The following RPS6KA5 variants were observed in gnomAD, a reference collection of about 807,000 sequenced individuals.
RPS6KA5 encodes ribosomal protein S6 kinase alpha-5.
A neutral mutation model predicts 85.5 loss-of-function variants in RPS6KA5; 27 were observed. That is an observed-to-expected ratio of 0.32 (90% CI 0.23 to 0.44). RPS6KA5 has a LOEUF of 0.44. RPS6KA5 is among the 20% of genes least tolerant of loss of function. RPS6KA5 has a pLI of 1.00. For missense variants in RPS6KA5, 811 were observed against 980.9 expected (o/e 0.83, Z 2.31); for synonymous variants, 334 against 348.2 (o/e 0.96, Z 0.46).
chr14:90,914,563 C>T (rs1027658319), intron 7 of RPS6KA5, among the ~76,000 whole-genome samples: 7 of 152,062 alleles, frequency 4.6e-5, no homozygotes, highest in Non-Finnish European at 8.8e-5. Flanking sequence ...GATCCACCTG[C>T]CTTGGCCTCC....
chr14:91,025,494 C>T (rs1168381096), intron 1 of RPS6KA5, among the ~76,000 whole-genome samples: 1 of 152,194 alleles, frequency 6.6e-6, no homozygotes, highest in Non-Finnish European at 1.5e-5. Context: ...TATCTCTGAG[C>T]AATGCTGAAA....
chr14:90,978,892 T>C (rs1003834213), intron 2 of RPS6KA5, among the ~76,000 whole-genome samples: 5 of 152,136 alleles, frequency 3.3e-5, no homozygotes, highest in Admixed American at 6.5e-5. Flanking sequence ...TAGATATATA[T>C]ATATTTATTA....
chr14:90,937,273 C>T (rs139672497), intron 5 of RPS6KA5, among the ~76,000 whole-genome samples: 11 of 151,750 alleles, frequency 7.2e-5, no homozygotes, highest in Non-Finnish European at 1.2e-4. Flanking sequence ...CAGATGGTGG[C>T]GGGGTAGGGG....
At chr14:90,955,979 T>C (rs1198936695) in intron 3 of RPS6KA5, among the ~76,000 whole-genome samples, 2 of 152,192 alleles carry the variant, frequency 1.3e-5, no homozygotes, top group Non-Finnish European at 2.9e-5. Context: ...GGGTCAAAAA[T>C]ATTCAGAAAT....
chr14:91,035,598 G>A (rs1276511161), intron 1 of RPS6KA5, among the ~76,000 whole-genome samples: 2 of 151,634 alleles, frequency 1.3e-5, no homozygotes, highest in Non-Finnish European at 2.9e-5. Flanking sequence ...TGCAGTAAAG[G>A]GAAAGAAAGA....
intron 3 of RPS6KA5, among the ~76,000 whole-genome samples, chr14:90,957,023 T>TAC (rs529806000): frequency 1.4e-3 from 206 of 145,786 alleles, no homozygotes; most frequent in Non-Finnish European, 2.5e-3. Flanking sequence ...TCCAACCCCC[T>TAC]ACTTCCATCC....
chr14:91,019,101 T>G (rs1286138), intron 1 of RPS6KA5, among the ~76,000 whole-genome samples: 104,121 of 151,810 alleles, frequency 0.69, 35,806 homozygotes, highest in East Asian at 0.87. Flanking sequence ...TGTCGGTGTT[T>G]TCACTTTATT....
chr14:91,016,559 T>C (rs114665691), intron 1 of RPS6KA5, among the ~76,000 whole-genome samples: 1 of 152,260 alleles, frequency 6.6e-6, no homozygotes, highest in African/African-American at 2.4e-5. Context: ...TATTTAGTTA[T>C]GTGTGTGTTG....
intron 1 of RPS6KA5, among the ~76,000 whole-genome samples, chr14:91,050,013 G>A (rs760139216): frequency 6.6e-6 from 1 of 152,206 alleles, no homozygotes; most frequent in South Asian, 2.1e-4. Context: ...TGCAGCTCAT[G>A]AATATATACA....
rs1371491857 is a variant in RPS6KA5, at chr14:90,849,040, T to C, written c.*23034A>G. On this transcript the variant is annotated 3_prime_UTR_variant, in exon 17 of 17. Transcript: ENST00000614987. Reference sequence around the variant, plus strand: ...AGAGCAAGGCCGCATCTCTAAAAAGTAATAATAAATAAAAGGAAAAAGATG... The same window carrying C: ...AGAGCAAGGCCGCATCTCTAAAAAGCAATAATAAATAAAAGGAAAAAGATG... 1.3e-5 allele frequency: 2 copies of C among 151,886 alleles called. No homozygotes were observed. The highest frequency in any genetic ancestry group is 2.9e-5 in the Non-Finnish European group (2 of 68,012). The allele number at this position is 151,886 out of a possible 1,614,324, so 9.4% of individuals were successfully genotyped here.
intron 12 of RPS6KA5, among the ~76,000 whole-genome samples, chr14:90,896,266 C>T (rs1156250788): frequency 6.6e-6 from 1 of 152,120 alleles, no homozygotes; most frequent in African/African-American, 2.4e-5. Context: ...CAGTGGTGTA[C>T]GAACAGATTT....
intron 1 of RPS6KA5, among the ~76,000 whole-genome samples, chr14:91,014,875 A>G (rs886661936): frequency 6.6e-6 from 1 of 152,218 alleles, no homozygotes; most frequent in East Asian, 1.9e-4. Context: ...ATATTTGATG[A>G]CCATAAACTT....
chr14:91,025,970 G>A (rs944414828), intron 1 of RPS6KA5, among the ~76,000 whole-genome samples: 2 of 152,002 alleles, frequency 1.3e-5, no homozygotes, highest in African/African-American at 4.8e-5. Context: ...CCAACAGGTA[G>A]TTTTTCAGCC....
intron 5 of RPS6KA5, among the ~76,000 whole-genome samples, chr14:90,923,791 T>C (rs1357492487): frequency 6.6e-6 from 1 of 152,118 alleles, no homozygotes; most frequent in Non-Finnish European, 1.5e-5. Flanking sequence ...AAAACTGTCT[T>C]TAAAAAAAGA....
At chr14:90,923,440 C>A (rs1045292402) in intron 5 of RPS6KA5, among the ~76,000 whole-genome samples, 13 of 151,894 alleles carry the variant, frequency 8.6e-5, no homozygotes, top group African/African-American at 3.1e-4. Flanking sequence ...ATCCATCCAT[C>A]CATCCATCCA....
chr14:91,001,049 CT>C (rs749547179), intron 2 of RPS6KA5, 38 bp downstream of exon 2: 3,717 of 1,040,270 alleles, frequency 3.6e-3, no homozygotes, highest in South Asian at 5.2e-3. Context: ...ATAATAAGTA[CT>C]TTTTTTTTTC....
intron 1 of RPS6KA5, among the ~76,000 whole-genome samples, chr14:91,039,588 C>T (rs2042527166): frequency 6.6e-6 from 1 of 152,176 alleles, no homozygotes; most frequent in African/African-American, 2.4e-5. Context: ...CTGAGATGCA[C>T]ATTTATGCTT....
At chr14:91,042,952 C>T (rs2042660857) in intron 1 of RPS6KA5, among the ~76,000 whole-genome samples, 1 of 152,072 alleles carries the variant, frequency 6.6e-6, no homozygotes, top group African/African-American at 2.4e-5. Flanking sequence ...CTGGCTAAGT[C>T]CCTCTCTTTA....
rs550818276 is a variant in RPS6KA5 at position 90,948,221 on chromosome 14, A to G, written c.395-671T>C. Among the ~76,000 whole-genome samples, 126 of 152,358 alleles carry G rather than the reference A, an allele frequency of 8.3e-4. 1 individual carries two copies. The South Asian group carries it at 0.026, about 31-fold the overall frequency. ...GGGGAGCTGGTTAATTTTTTAAAAA[A>G]CCAAAATAGTTATGTTGATACATGG... On this transcript the variant is annotated intron_variant, in intron 3 of 16. Transcript: ENST00000614987.
Sources: allele counts gnomAD v4.1 joint callset (sites outside exome capture counted in the v4.1 genomes callset), GRCh38; gene constraint gnomAD v4.1.1; transcripts MANE v1.5; gene names NCBI Gene and HGNC (gene_info 2026-07-23, HGNC 2026-07-21).